The following DNM1 variants were observed in gnomAD, a reference collection of about 807,000 sequenced individuals.
DNM1 encodes dynamin 1.
A neutral mutation model predicts 104.6 loss-of-function variants in DNM1; 29 were observed. The ratio of observed to expected loss-of-function variants is 0.28; its 90% CI spans 0.21 to 0.38. The LOEUF (loss-of-function observed/expected upper bound fraction) is 0.38. Among genes scored for constraint, DNM1 ranks in the 10% least tolerant of loss-of-function variants. DNM1 has a pLI of 1.00. For missense variants in DNM1, 640 were observed against 1,189.4 expected, an observed-to-expected ratio of 0.54 and a Z score of 6.79; for synonymous variants, 445 against 475.8, an observed-to-expected ratio of 0.94 and a Z score of 0.84.
intron 11 of DNM1, among the ~76,000 whole-genome samples, chr9:128,235,172 C>A (rs1835934765): frequency 6.6e-6 from 1 of 152,076 alleles, no homozygotes; most frequent in Non-Finnish European, 1.5e-5. Context: ...TAATGTCTTC[C>A]AGGACCATCC....
Position 128,212,041 on chromosome 9 carries a change from C to T in DNM1, c.162-6190C>T, listed in dbSNP as rs10987934. On this transcript the variant is annotated intron_variant, in intron 1 of 21. Transcript: ENST00000372923. The stretch of plus-strand genomic sequence containing the variant: ...AAATCTCAGCGGGTGAATGCACCCT[C>T]ACCCCCAACCTGGGTCCCCATTTCA... Among the ~76,000 whole-genome samples, 428 of 152,370 alleles carry T rather than the reference C, an allele frequency of 2.8e-3. 8 individuals are homozygous for T. In the East Asian group the frequency reaches 0.06, roughly 21 times the overall value.
intron 11 of DNM1, among the ~76,000 whole-genome samples, chr9:128,236,764 G>C (rs1435664581): frequency 6.6e-6 from 1 of 152,070 alleles, no homozygotes; most frequent in Non-Finnish European, 1.5e-5. Flanking sequence ...AGGTGGGAGG[G>C]TCGCCTGAGC....
Position 128,254,061 on chromosome 9 carries a change from C to T in DNM1, c.2535-593C>T. ...TGCAGCCCCCCGACCAGCTGAGGCT[C>T]CCCTCTTAGACTTATAAGTCTATGG... On this transcript the variant is annotated intron_variant, in intron 21 of 21. Transcript: ENST00000372923. This position sits in a 1 kb window ranked among gnomAD's most constrained non-coding sequence, Gnocchi z 6.1. 8.1e-7 allele frequency: 1 copy of T among 1,237,244 alleles called. No homozygotes were observed. The highest frequency in any genetic ancestry group is 1.0e-6 in the Non-Finnish European group (1 of 991,830). 76.6% of individuals were successfully genotyped at this position (1,237,244 alleles called of 1,614,324 possible). A position where few individuals can be genotyped will look rare whatever the true frequency, so the allele number is the denominator to read the frequency against.
chr9:128,231,995 C>G (rs1835721564), intron 10 of DNM1: 2 of 456,526 alleles, frequency 4.4e-6, no homozygotes, highest in Non-Finnish European at 8.8e-6. Context: ...GCTGGCGGAA[C>G]ATCCTGGAAA....
chr9:128,254,556 GCGGCGCGGC>G lies in DNM1; in HGVS notation c.2535-93_2535-85del. On this transcript the variant is annotated intron_variant, in intron 21 of 21. Transcript: ENST00000372923. The surrounding 1 kb of genome is among the most constrained non-coding windows in gnomAD (Gnocchi z 6.1). ...CCTCCCCGGCCCTCCCACCACTGCT[GCGGCGCGGC>G]CGGCCCCGGCCGTGTGCTGCGCTTG... 4.4e-6 allele frequency: 7 copies of G among 1,574,264 alleles called. No individual in the cohort carries two copies. The highest frequency in any genetic ancestry group is 6.0e-6 in the Non-Finnish European group (7 of 1,168,032).
intron 1 of DNM1, among the ~76,000 whole-genome samples, chr9:128,209,498 C>T (rs879554702): frequency 2.6e-5 from 4 of 152,124 alleles, no homozygotes; most frequent in Non-Finnish European, 5.9e-5. Context: ...CTATGTATTC[C>T]AGTTATAAAT....
Position 128,218,218 on chromosome 9 carries a change from C to T in DNM1, c.162-13C>T, listed in dbSNP as rs1038078147. ...CATATCTTGACCCTCCTTTGACCTC[C>T]AACTCATTGCAGGGACTTCTTGCCT... On this transcript the variant is annotated splice_polypyrimidine_tract_variant and intron_variant, in intron 1 of 21. Coordinates refer to ENST00000372923, the MANE Select transcript of DNM1 (RefSeq NM_004408.4). The surrounding 1 kb of genome is among the most constrained non-coding windows in gnomAD (Gnocchi z 4.8). The T allele has an allele frequency of 6.2e-7, 1 of 1,613,978 alleles. No homozygotes were observed. Among genetic ancestry groups the T allele is most frequent in the East Asian group, 2.2e-5 (1 of 44,882 alleles).
At position 128,254,464 on chromosome 9, in the gene DNM1, A is replaced by T. The variant is rs1829725425; in HGVS notation, c.2535-190A>T. On this transcript the variant is annotated intron_variant, in intron 21 of 21. Coordinates refer to ENST00000372923, the MANE Select transcript of DNM1 (RefSeq NM_004408.4). This position sits in a 1 kb window ranked among gnomAD's most constrained non-coding sequence, Gnocchi z 6.1. ...CTGTGAAGCTACGGCTCCTCCCTCC[A>T]TCTTCCTCCCCTTTCCCTTCCAGCC... The T allele has an allele frequency of 1.3e-6, 2 of 1,483,526 alleles. No homozygotes were observed. Among genetic ancestry groups the T allele is most frequent in the East Asian group, 5.1e-5 (2 of 39,308 alleles). 91.9% of individuals were successfully genotyped at this position (1,483,526 alleles called of 1,614,324 possible).
Position 128,213,701 on chromosome 9 carries a change from G to A in DNM1, c.162-4530G>A, listed in dbSNP as rs368473163. Among the ~76,000 whole-genome samples, 19 of 152,226 alleles carry A rather than the reference G, an allele frequency of 1.2e-4. No individual in the cohort carries two copies. The South Asian group carries it at 2.1e-3, about 17-fold the overall frequency. ...AGTTTCTACCCTATACAATGAAGCCGATGGTAGAGCTCATCTTCCATTCCC... is the reference window on the plus strand; with the variant it reads ...AGTTTCTACCCTATACAATGAAGCCAATGGTAGAGCTCATCTTCCATTCCC... On this transcript the variant is annotated intron_variant, in intron 1 of 21. Coordinates refer to ENST00000372923, the MANE Select transcript of DNM1 (RefSeq NM_004408.4).
chr9:128,247,287 T>C lies in DNM1; in HGVS notation c.1782-88T>C, dbSNP rs1180214130. 3.7e-6 allele frequency: 3 copies of C among 821,826 alleles called. No individual in the cohort carries two copies. The highest frequency in any genetic ancestry group is 3.4e-5 in the African/African-American group (2 of 59,528). The allele number at this position is 821,826 out of a possible 1,614,324, so 50.9% of individuals were successfully genotyped here. On this transcript the variant is annotated intron_variant, in intron 16 of 21. Transcript: ENST00000372923. The surrounding 1 kb of genome is among the most constrained non-coding windows in gnomAD (Gnocchi z 5.1). Reference sequence around the variant, plus strand: ...CTGGGAAATGAGCTGGCCTCAGGCATGTTGACCCCAAAGTCTGGGCATGCC... The same window carrying C: ...CTGGGAAATGAGCTGGCCTCAGGCACGTTGACCCCAAAGTCTGGGCATGCC...
Position 128,250,585 on chromosome 9 carries a change from C to T in DNM1, c.2319-140C>T, listed in dbSNP as rs377265256. ...GGCGCCGCTGGGGGCGGGGCTTAAG[C>T]TCCGGCGACCGCCTTAGGGGTGCGG... is the stretch of plus-strand genomic sequence containing the variant. On this transcript the variant is annotated intron_variant, in intron 20 of 21. Coordinates refer to ENST00000372923, the MANE Select transcript of DNM1 (RefSeq NM_004408.4). The T allele has an allele frequency of 2.7e-5, 26 of 973,432 alleles. 1 individual carries two copies. The highest frequency in any genetic ancestry group is 2.4e-4 in the East Asian group (8 of 33,132). 60.3% of individuals were successfully genotyped at this position (973,432 alleles called of 1,614,324 possible). A position where few individuals can be genotyped will look rare whatever the true frequency, so the allele number is the denominator to read the frequency against.
rs1180448326 is a variant in DNM1, at chr9:128,245,279, G to T, written c.1672-1115G>T. 6.6e-6 allele frequency among the ~76,000 whole-genome samples: 1 copy of T among 152,094 alleles called. No homozygotes were observed. Among genetic ancestry groups the T allele is most frequent in the African/African-American group, 2.4e-5 (1 of 41,410 alleles). The stretch of plus-strand genomic sequence containing the variant: ...CCAGGGGGGCGTTGGGGGCAGAGAG[G>T]GGTGGGCGGGATGACGCCAGGACGG... On this transcript the variant is annotated intron_variant, in intron 15 of 21. Coordinates refer to ENST00000372923, the MANE Select transcript of DNM1 (RefSeq NM_004408.4). This position sits in a 1 kb window ranked among gnomAD's most constrained non-coding sequence, Gnocchi z 5.2.
rs1836537153 is a variant in DNM1, at chr9:128,243,587, T to C, written c.1671+1242T>C. 6.6e-6 allele frequency among the ~76,000 whole-genome samples: 1 copy of C among 152,032 alleles called. No homozygotes were observed. The highest frequency in any genetic ancestry group is 1.5e-5 in the Non-Finnish European group (1 of 67,958). ...TGGCCTCCCCCACCATGGGGGCCCC[T>C]GGAAGGGATGGAGTGTGCAGTGGCA... On this transcript the variant is annotated intron_variant, in intron 15 of 21. Coordinates refer to ENST00000372923, the MANE Select transcript of DNM1 (RefSeq NM_004408.4). This position sits in a 1 kb window ranked among gnomAD's most constrained non-coding sequence, Gnocchi z 4.0.
At chr9:128,246,581 A>C in intron 16 of DNM1, 78 bp downstream of exon 16, 1 of 1,076,932 alleles carries the variant, frequency 9.3e-7, no homozygotes, top group South Asian at 1.3e-5. Flanking sequence ...ACAGGGATCC[A>C]GGGAGGAGAG....
At chr9:128,221,039 CTCTT>C (rs1190729519) in intron 6 of DNM1, 44 of 123,118 alleles carry the variant, frequency 3.6e-4, no homozygotes, top group African/African-American at 1.5e-3. Context: ...CTTTCTTTCT[CTCTT>C]TCTTTCTCTC....
At chr9:128,252,471 G>A in intron 21 of DNM1, 1 of 398,990 alleles carries the variant, frequency 2.5e-6, no homozygotes, top group South Asian at 1.9e-5. Flanking sequence ...GGAATCAGGA[G>A]GGTATCTGGG....
At chr9:128,246,344 G>A in intron 15 of DNM1, 50 bp from the exon 16 acceptor site, 1 of 1,280,600 alleles carries the variant, frequency 7.8e-7, no homozygotes, top group African/African-American at 1.5e-5. Context: ...AGTGAGGTGT[G>A]GCAGAGAACA....
chr9:128,230,723 A>T (rs1490470437), intron 10 of DNM1, among the ~76,000 whole-genome samples: 2 of 152,108 alleles, frequency 1.3e-5, no homozygotes, highest in African/African-American at 4.8e-5. Flanking sequence ...AAGTGCTGGG[A>T]TTACAAGCAT....
Position 128,248,537 on chromosome 9 carries a change from G to A in DNM1, c.1906-46G>A. The stretch of plus-strand genomic sequence containing the variant: ...GAGATCCTGGGGATGCCTGGAGCCT[G>A]GCTGCATGGCCTGGCCACCTGATGC... On this transcript the variant is annotated intron_variant, in intron 18 of 21. Coordinates refer to ENST00000372923, the MANE Select transcript of DNM1 (RefSeq NM_004408.4). This position sits in a 1 kb window ranked among gnomAD's most constrained non-coding sequence, Gnocchi z 5.6. The A allele has an allele frequency of 6.3e-7, 1 of 1,596,150 alleles. No individual in the cohort carries two copies. The highest frequency in any genetic ancestry group is 8.6e-7 in the Non-Finnish European group (1 of 1,167,024).
Sources: gnomAD v4.1 joint callset for allele counts (sites outside exome capture counted in the v4.1 genomes callset) on GRCh38, gnomAD v4.1.1 for gene constraint, Gnocchi (gnomAD v3.1) non-coding constraint, MANE v1.5 for transcripts, NCBI Gene and HGNC (gene_info 2026-07-23, HGNC 2026-07-21) for gene names.